DNAJC24: variants seen among roughly 807,000 people sequenced by gnomAD.
DNAJC24 encodes dnaJ homolog subfamily C member 24.
DNAJC24 carries 17 observed loss-of-function variants against 18.0 expected under a neutral mutation model. The observed-to-expected ratio is 0.94, with a 90% confidence interval of 0.65 to 1.42. The LOEUF (loss-of-function observed/expected upper bound fraction) is 1.42. Among genes scored for constraint, DNAJC24 ranks in the 40% most tolerant of loss-of-function variants. The pLI is 0.00. For synonymous variants in DNAJC24, 55 were observed against 57.7 expected (o/e 0.95, Z 0.21); for missense variants, 158 against 175.6 (o/e 0.90, Z 0.57).
Position 31,432,298 on chromosome 11 carries a change from A to G in DNAJC24, c.*1897A>G. On this transcript the variant is annotated 3_prime_UTR_variant, in exon 5 of 5. Coordinates refer to ENST00000465995, the MANE Select transcript of DNAJC24 (RefSeq NM_181706.5). ...ATTTTTGTATCATAAAATTTAGATGACTTTTTTGGGTTACATTTTTATCCA... is the reference window on the plus strand; with the variant it reads ...ATTTTTGTATCATAAAATTTAGATGGCTTTTTTGGGTTACATTTTTATCCA... The G allele has an allele frequency of 2.1e-6, 1 of 483,326 alleles. No individual in the cohort carries two copies. The highest frequency in any genetic ancestry group is 3.7e-6 in the Non-Finnish European group (1 of 268,848). The allele number at this position is 483,326 out of a possible 1,614,324, so 29.9% of individuals were successfully genotyped here.
intron 2 of DNAJC24, among the ~76,000 whole-genome samples, chr11:31,410,908 A>C (rs1001726408): frequency 3.9e-5 from 6 of 152,188 alleles, no homozygotes; most frequent in Non-Finnish European, 7.3e-5. Context: ...TTAATATATC[A>C]GTTTGTCCAT....
chr11:31,393,909 TA>T (rs1434608461), intron 2 of DNAJC24, among the ~76,000 whole-genome samples: 1 of 151,960 alleles, frequency 6.6e-6, no homozygotes, highest in Non-Finnish European at 1.5e-5. Context: ...ACAATGATCC[TA>T]GGGGAAATGT....
Position 31,430,522 on chromosome 11 carries a change from C to A in DNAJC24, c.*121C>A. 2.6e-6 allele frequency: 2 copies of A among 775,648 alleles called. No individual in the cohort carries two copies. The highest frequency in any genetic ancestry group is 3.7e-6 in the Non-Finnish European group (2 of 537,876). The allele number at this position is 775,648 out of a possible 1,614,324, so 48.0% of individuals were successfully genotyped here. On this transcript the variant is annotated 3_prime_UTR_variant, in exon 5 of 5. Transcript: ENST00000465995. ...CCCGATTATTTGCAAAGAAAATATA[C>A]AATTATCAAGCAGAGACCACCTCAG...
Position 31,371,985 on chromosome 11 carries a change from G to A in DNAJC24, c.111+1126G>A, listed in dbSNP as rs565268120. On this transcript the variant is annotated intron_variant, in intron 2 of 4. Transcript: ENST00000465995. ...ATTAAGGCGCATGCCACCACGCCTG[G>A]CTAATTTTTATATTTTTAGTAGAGA... 1.4e-3 allele frequency among the ~76,000 whole-genome samples: 206 copies of A among 151,812 alleles called. 1 individual carries two copies. Among genetic ancestry groups the A allele is most frequent in the African/African-American group, 4.6e-3 (189 of 41,408 alleles).
At chr11:31,411,620 A>C (rs1046086475) in intron 2 of DNAJC24, among the ~76,000 whole-genome samples, 2 of 151,948 alleles carry the variant, frequency 1.3e-5, no homozygotes, top group African/African-American at 4.8e-5. Context: ...AGCATTTCAG[A>C]TCTCTCTCTC....
chr11:31,380,939 G>A (rs1284305576), intron 2 of DNAJC24, among the ~76,000 whole-genome samples: 1 of 152,102 alleles, frequency 6.6e-6, no homozygotes, highest in African/African-American at 2.4e-5. Flanking sequence ...TTTAAAGAGA[G>A]ATTAATTTAT....
intron 3 of DNAJC24, among the ~76,000 whole-genome samples, chr11:31,420,965 T>A (rs1321662875): frequency 6.6e-6 from 1 of 152,192 alleles, no homozygotes; most frequent in African/African-American, 2.4e-5. Flanking sequence ...GCACTGGGTT[T>A]ACCTACAGTT....
At chr11:31,371,420 C>A (rs1407780965) in intron 2 of DNAJC24, among the ~76,000 whole-genome samples, 1 of 152,202 alleles carries the variant, frequency 6.6e-6, no homozygotes, top group Non-Finnish European at 1.5e-5. Context: ...TAAAAGAATT[C>A]TTGATCTCTT....
rs150315410 is a variant in DNAJC24 at position 31,408,597 on chromosome 11, A to G, written c.112-6214A>G. On this transcript the variant is annotated intron_variant, in intron 2 of 4. Transcript: ENST00000465995. ...AGTGTTACTTATCCATGAAATAGTC[A>G]TTTAGAAAACAGATAACACATACCA... Among the ~76,000 whole-genome samples, 493 of 152,358 alleles carry G rather than the reference A, an allele frequency of 3.2e-3. 2 individuals are homozygous for G. Among genetic ancestry groups the G allele is most frequent in the African/African-American group, 0.011 (465 of 41,586 alleles).
chr11:31,423,582 T>G (rs1238397133), intron 3 of DNAJC24, among the ~76,000 whole-genome samples: 1 of 152,166 alleles, frequency 6.6e-6, no homozygotes, highest in African/African-American at 2.4e-5. Context: ...TTATGACTTC[T>G]TCCAGTTACC....
rs964722431 is a variant in DNAJC24 at position 31,374,400 on chromosome 11, G to A, written c.111+3541G>A. On this transcript the variant is annotated intron_variant, in intron 2 of 4. Coordinates refer to ENST00000465995, the MANE Select transcript of DNAJC24 (RefSeq NM_181706.5). ...TTAATTTGTTAATGTGGTGAATCAC[G>A]TAGATTTTTCTTAAGTTAAACCCAC... 5.3e-5 allele frequency among the ~76,000 whole-genome samples: 7 copies of A among 132,060 alleles called. 2 individuals carry two copies. The highest frequency in any genetic ancestry group is 5.1e-4 in the South Asian group (2 of 3,894). The allele number at this position is 132,060 out of a possible 152,430, so 86.6% of individuals were successfully genotyped here.
At chr11:31,399,445 C>T (rs1482146987) in intron 2 of DNAJC24, among the ~76,000 whole-genome samples, 6 of 142,512 alleles carry the variant, frequency 4.2e-5, no homozygotes, top group Admixed American at 2.9e-4. Flanking sequence ...GACGGAGTCT[C>T]GCTCCGTCAC....
chr11:31,394,899 T>A (rs1329028389), intron 2 of DNAJC24, among the ~76,000 whole-genome samples: 2 of 152,202 alleles, frequency 1.3e-5, no homozygotes, highest in Non-Finnish European at 2.9e-5. Flanking sequence ...AAAGCTGTTT[T>A]GTTTTGTATT....
chr11:31,425,546 C>T (rs1390221209), intron 3 of DNAJC24, among the ~76,000 whole-genome samples: 1 of 152,140 alleles, frequency 6.6e-6, no homozygotes, highest in Non-Finnish European at 1.5e-5. Flanking sequence ...TTGCAGACAG[C>T]CTCCTTCTTG....
intron 2 of DNAJC24, among the ~76,000 whole-genome samples, chr11:31,393,575 C>T (rs1952518552): frequency 6.6e-6 from 1 of 152,126 alleles, no homozygotes; most frequent in South Asian, 2.1e-4. Flanking sequence ...TGGCCCATAT[C>T]CCTGCTATGT....
At chr11:31,392,220 T>G (rs1345275889) in intron 2 of DNAJC24, among the ~76,000 whole-genome samples, 1 of 152,148 alleles carries the variant, frequency 6.6e-6, no homozygotes, top group Admixed American at 6.6e-5. Context: ...AACAATAATT[T>G]ATTGTGCATT....
At chr11:31,386,974 C>T (rs143730649) in intron 2 of DNAJC24, among the ~76,000 whole-genome samples, 5 of 152,206 alleles carry the variant, frequency 3.3e-5, no homozygotes, top group African/African-American at 1.2e-4. Flanking sequence ...TTGCTGCAGG[C>T]CTGGGATGGT....
intron 2 of DNAJC24, among the ~76,000 whole-genome samples, chr11:31,401,683 C>T (rs774523034): frequency 6.6e-6 from 1 of 152,098 alleles, no homozygotes; most frequent in Non-Finnish European, 1.5e-5. Flanking sequence ...TTCAGAAGAC[C>T]AAGAGGTCTG....
chr11:31,410,930 T>C (rs147333229), intron 2 of DNAJC24, among the ~76,000 whole-genome samples: 316 of 152,294 alleles, frequency 2.1e-3, no homozygotes, highest in Non-Finnish European at 3.9e-3. Flanking sequence ...TTCCCTAAAC[T>C]GATATATTAA....
Sources: gnomAD v4.1 joint callset for allele counts (sites outside exome capture counted in the v4.1 genomes callset) on GRCh38, gnomAD v4.1.1 for gene constraint, MANE v1.5 for transcripts, NCBI Gene and HGNC (gene_info 2026-07-23, HGNC 2026-07-21) for gene names.